ZNF529: variants seen among roughly 807,000 people sequenced by gnomAD.
The protein encoded by ZNF529 is zinc finger protein 529.
A neutral mutation model predicts 10.1 loss-of-function variants in ZNF529; 11 were observed. That is an observed-to-expected ratio of 1.09 (90% CI 0.69 to 1.81). The LOEUF (loss-of-function observed/expected upper bound fraction) is 1.81. Ranked by LOEUF, ZNF529 falls within the 40% of genes most tolerant of loss-of-function variation. The pLI, the probability that ZNF529 is intolerant of heterozygous loss-of-function variation, is 0.00. For missense variants in ZNF529, 624 were observed against 666.8 expected (o/e 0.94, Z 0.71); for synonymous variants, 204 against 215.7 (o/e 0.95, Z 0.47).
chr19:36,571,439 AT>A (rs1434187847), intron 2 of ZNF529, among the ~76,000 whole-genome samples: 1 of 151,710 alleles, frequency 6.6e-6, no homozygotes, highest in African/African-American at 2.4e-5. Flanking sequence ...CTTTGGGAGG[AT>A]GAGGTGGGTG....
chr19:36,599,558 C>A (rs1448833215), intron 1 of ZNF529, among the ~76,000 whole-genome samples: 2 of 151,998 alleles, frequency 1.3e-5, no homozygotes, highest in East Asian at 3.9e-4. Context: ...AACATATCTA[C>A]AAGGAAAAAT....
intron 1 of ZNF529, among the ~76,000 whole-genome samples, chr19:36,599,116 A>G (rs1300384842): frequency 6.6e-6 from 1 of 152,220 alleles, no homozygotes; most frequent in East Asian, 1.9e-4. Context: ...TTTTATGCCT[A>G]TTTGTAACTA....
intron 1 of ZNF529, among the ~76,000 whole-genome samples, chr19:36,600,763 AG>A (rs2036911456): frequency 6.6e-6 from 1 of 152,246 alleles, no homozygotes; most frequent in Admixed American, 6.5e-5. Context: ...TTCCAGGTGA[AG>A]TATCCCTGTT....
At chr19:36,559,098 T>C (rs954723654) in intron 2 of ZNF529, among the ~76,000 whole-genome samples, 1 of 152,114 alleles carries the variant, frequency 6.6e-6, no homozygotes, top group African/African-American at 2.4e-5. Flanking sequence ...TCACACCTGA[T>C]AGGACTGCTG....
intron 4 of ZNF529, among the ~76,000 whole-genome samples, chr19:36,550,144 A>G (rs185322644): frequency 6.6e-6 from 1 of 152,344 alleles, no homozygotes; most frequent in African/African-American, 2.4e-5. Flanking sequence ...TTAATTATGT[A>G]TAAGATGAAA....
intron 3 of ZNF529, among the ~76,000 whole-genome samples, 194 bp downstream of exon 3, chr19:36,555,910 A>G (rs2035450730): frequency 6.6e-6 from 1 of 152,208 alleles, no homozygotes; most frequent in African/African-American, 2.4e-5. Flanking sequence ...TTGACAAAGG[A>G]CTGAACACAT....
chr19:36,596,845 A>G (rs1306670552), intron 1 of ZNF529, among the ~76,000 whole-genome samples: 1 of 152,008 alleles, frequency 6.6e-6, no homozygotes, highest in Non-Finnish European at 1.5e-5. Flanking sequence ...CTATGTCATT[A>G]TACTTAAAAG....
intron 1 of ZNF529, among the ~76,000 whole-genome samples, chr19:36,599,059 T>G (rs1473852262): frequency 6.6e-6 from 1 of 152,170 alleles, no homozygotes; most frequent in Non-Finnish European, 1.5e-5. Flanking sequence ...GTTAACAAAT[T>G]GAAAATATTA....
At chr19:36,548,366 AAC>A (rs1357449930) in intron 4 of ZNF529, 44 bp from the exon 5 acceptor site, 34 of 1,460,128 alleles carry the variant, frequency 2.3e-5, no homozygotes, top group African/African-American at 2.9e-5. Flanking sequence ...ACAAAAATAA[AAC>A]AGTTATAGAA....
At chr19:36,570,360 C>A (rs1265702697) in intron 2 of ZNF529, among the ~76,000 whole-genome samples, 50 of 70,540 alleles carry the variant, frequency 7.1e-4, no homozygotes, top group East Asian at 2.3e-3. Flanking sequence ...GACCCTATCT[C>A]AAAAAAAAAA....
At chr19:36,576,446 C>A (rs976782921), upstream of ZNF529, among the ~76,000 whole-genome samples, 3 of 151,938 alleles carry the variant, frequency 2.0e-5, no homozygotes, top group Non-Finnish European at 4.4e-5. Flanking sequence ...TGGCCGGGCG[C>A]GGTGGCTCAC....
intron 1 of ZNF529, among the ~76,000 whole-genome samples, chr19:36,597,457 T>A (rs1326830541): frequency 6.6e-6 from 1 of 152,200 alleles, no homozygotes; most frequent in East Asian, 1.9e-4. Context: ...AAAATTCTCA[T>A]GCAGTGCTTC....
At chr19:36,559,377 C>T (rs900919992) in intron 2 of ZNF529, among the ~76,000 whole-genome samples, 6 of 152,364 alleles carry the variant, frequency 3.9e-5, no homozygotes, top group South Asian at 2.1e-4. Context: ...GCCACAATCT[C>T]GGTTCACTGC....
At position 36,545,130 on chromosome 19, in the gene ZNF529, G is replaced by T. The variant is rs1376251914; in HGVS notation, c.*1736C>A. 6.6e-6 allele frequency: 1 copy of T among 152,418 alleles called. No homozygotes were observed. The highest frequency in any genetic ancestry group is 1.9e-4 in the East Asian group (1 of 5,176). The allele number at this position is 152,418 out of a possible 1,614,324, so 9.4% of individuals were successfully genotyped here. A position where few individuals can be genotyped will look rare whatever the true frequency, so the allele number is the denominator to read the frequency against. On this transcript the variant is annotated 3_prime_UTR_variant, in exon 5 of 5. Coordinates refer to ENST00000591340, the MANE Select transcript of ZNF529 (RefSeq NM_020951.5). ...AGCTACTTGGCAGGCTGAGGCAGGG[G>T]AATCGCTTGAACCTGGGAGGTGGAG...
rs139568978 is a variant in ZNF529, at chr19:36,572,612, A to G, written c.-46-220T>C. Among the ~76,000 whole-genome samples, 5 of 152,314 alleles carry G rather than the reference A, an allele frequency of 3.3e-5. No individual in the cohort carries two copies. The East Asian group carries it at 9.6e-4, about 29-fold the overall frequency. ...GCTCAGGAAATACTGTAGTTCTTTA[A>G]TGTATAAATGGCCTCCAAACTCATG... On this transcript the variant is annotated intron_variant, in intron 1 of 4. Coordinates refer to ENST00000591340, the MANE Select transcript of ZNF529 (RefSeq NM_020951.5).
chr19:36,554,585 A>G (rs1208796565), intron 4 of ZNF529, 85 bp downstream of exon 4: 1 of 1,247,646 alleles, frequency 8.0e-7, no homozygotes, highest in African/African-American at 1.5e-5. Flanking sequence ...CTCATAAACA[A>G]AACAAAACAT....
rs1600378013 is a variant in ZNF529, at chr19:36,601,554, A to C, written c.-128+3572T>G. Among the ~76,000 whole-genome samples the C allele has an allele frequency of 2.6e-5, 4 of 152,180 alleles. 1 individual carries two copies. The South Asian group carries it at 8.3e-4, about 32-fold the overall frequency. ...ACCTCATATTTTCATTGCACCTTAT[A>C]TGTGAATGTGGAATGACTTAGAATA... On this transcript the variant is annotated intron_variant, in intron 1 of 4. Coordinates refer to the ZNF529 transcript ENST00000585960.
intron 1 of ZNF529, among the ~76,000 whole-genome samples, chr19:36,592,978 C>T (rs1301461977): frequency 6.6e-6 from 1 of 152,002 alleles, no homozygotes; most frequent in Non-Finnish European, 1.5e-5. Flanking sequence ...ATGAAAACTT[C>T]CAGCTATAAT....
At chr19:36,588,826 A>G (rs1412254737) in intron 2 of ZNF529, among the ~76,000 whole-genome samples, 1 of 152,182 alleles carries the variant, frequency 6.6e-6, no homozygotes, top group Non-Finnish European at 1.5e-5. Flanking sequence ...AATCTCTTCA[A>G]CTGTATCCTT....
Sources: gnomAD v4.1 joint callset for allele counts (sites outside exome capture counted in the v4.1 genomes callset) on GRCh38, gnomAD v4.1.1 for gene constraint, MANE v1.5 for transcripts, NCBI Gene and HGNC (gene_info 2026-07-23, HGNC 2026-07-21) for gene names.